PRKAG2: variants seen among roughly 807,000 people sequenced by gnomAD.
The protein encoded by PRKAG2 is protein kinase AMP-activated non-catalytic subunit gamma 2, also known as 5'-AMP-activated protein kinase subunit gamma-2.
Under a neutral mutation model 69.6 loss-of-function variants are expected in PRKAG2, and 26 were observed. The observed-to-expected ratio is 0.37, with a 90% CI of 0.27 to 0.52. The LOEUF is 0.52. PRKAG2 is among the 20% of genes least tolerant of loss of function. The pLI, the probability that PRKAG2 is intolerant of heterozygous loss-of-function variation, is 0.90. For synonymous variants in PRKAG2, 293 were observed against 285.0 expected, an observed-to-expected ratio of 1.03 and a Z score of -0.28; for missense variants, 557 against 740.0, an observed-to-expected ratio of 0.75 and a Z score of 2.87.
At chr7:151,590,459 C>T (rs908765154) in intron 6 of PRKAG2, among the ~76,000 whole-genome samples, 7 of 152,194 alleles carry the variant, frequency 4.6e-5, no homozygotes, top group South Asian at 2.1e-4. Flanking sequence ...ACCCTGGCAC[C>T]GGACAGAGGG....
chr7:151,678,746 G>A (rs1356266551), intron 3 of PRKAG2, among the ~76,000 whole-genome samples: 1 of 152,164 alleles, frequency 6.6e-6, no homozygotes, highest in African/African-American at 2.4e-5. Flanking sequence ...ACCACCTGAG[G>A]TTAGGAGTTC....
At position 151,560,534 on chromosome 7, in the gene PRKAG2, G is replaced by T. The variant is rs1307794877; in HGVS notation, c.1668C>A (p.Leu556=). 1 of 1,614,186 alleles carries T rather than the reference G, an allele frequency of 6.2e-7. No homozygotes were observed. The highest frequency in any genetic ancestry group is 1.7e-5 in the Admixed American group (1 of 60,028). ...SLSDILQALI[L]TPAGAKQKET... ...AAACCAGCATTTTACCTGCTGGTGT[G>T]AGGATCAGGGCTTGCAGAATGTCCG... Residue 556 remains leucine, a synonymous_variant, in exon 15 of 16, where the codon CTC becomes CTA. Transcript: ENST00000287878.
chr7:151,727,716 A>G (rs989515676), intron 3 of PRKAG2, among the ~76,000 whole-genome samples: 2 of 148,980 alleles, frequency 1.3e-5, no homozygotes, highest in South Asian at 2.3e-4. Context: ...CAGGAGCGAG[A>G]AGGAGGGAGG....
At chr7:151,769,026 C>T (rs965042145) in intron 3 of PRKAG2, among the ~76,000 whole-genome samples, 3 of 152,188 alleles carry the variant, frequency 2.0e-5, no homozygotes, top group Non-Finnish European at 2.9e-5. Context: ...GAGGGTGTCC[C>T]CCCAGTGCAG....
In PRKAG2 at chr7:151,556,171, AC is replaced by A. The variant is rs1554444891; in HGVS notation, c.*1029del. 37 of 113,084 alleles carry A rather than the reference AC, an allele frequency of 3.3e-4. No homozygotes were observed. The highest frequency in any genetic ancestry group is 8.4e-4 in the African/African-American group (30 of 35,872). 7.0% of individuals were successfully genotyped at this position (113,084 alleles called of 1,614,324 possible). A position where few individuals can be genotyped will look rare whatever the true frequency, so the allele number is the denominator to read the frequency against. On this transcript the variant is annotated 3_prime_UTR_variant, in exon 16 of 16. Transcript: ENST00000287878. ...TAATTTTTCAATCTGAAAAAAAAAA[AC>A]CCAAAACAAAAAAAAAACAAACTAT...
At chr7:151,597,829 C>G (rs906326182) in intron 5 of PRKAG2, among the ~76,000 whole-genome samples, 2 of 150,046 alleles carry the variant, frequency 1.3e-5, no homozygotes, top group Non-Finnish European at 3.0e-5. Flanking sequence ...AGCCCCCCCC[C>G]CCGCTCTTTT....
intron 10 of PRKAG2, 26 bp from the exon 11 acceptor site, chr7:151,568,868 T>C: frequency 6.2e-7 from 1 of 1,612,630 alleles, no homozygotes; most frequent in East Asian, 2.2e-5. Flanking sequence ...TTAAAGTTGT[T>C]AGGAGGCTTT....
intron 3 of PRKAG2, among the ~76,000 whole-genome samples, chr7:151,778,732 A>AT (rs1183462144): frequency 1.3e-5 from 2 of 152,090 alleles, no homozygotes; most frequent in African/African-American, 4.8e-5. Context: ...GGAGCTTGAC[A>AT]TTTTTTTCAA....
chr7:151,745,169 T>C (rs1462382678), intron 3 of PRKAG2, among the ~76,000 whole-genome samples: 1 of 152,058 alleles, frequency 6.6e-6, no homozygotes, highest in East Asian at 1.9e-4. Context: ...TCCTGAACCT[T>C]TGCGGATCAC....
At chr7:151,866,100 C>A (rs1367314421) in intron 1 of PRKAG2, among the ~76,000 whole-genome samples, 1 of 151,704 alleles carries the variant, frequency 6.6e-6, no homozygotes, top group Non-Finnish European at 1.5e-5. Flanking sequence ...TAAAGAATAA[C>A]CTTCAATGAC....
At chr7:151,631,411 A>G (rs1824372660) in intron 5 of PRKAG2, among the ~76,000 whole-genome samples, 2 of 152,282 alleles carry the variant, frequency 1.3e-5, no homozygotes, top group South Asian at 2.1e-4. Context: ...AATTTTGCCA[A>G]AGAACGAGCT....
At chr7:151,745,322 T>C (rs1382022734) in intron 3 of PRKAG2, among the ~76,000 whole-genome samples, 1 of 152,200 alleles carries the variant, frequency 6.6e-6, no homozygotes, top group African/African-American at 2.4e-5. Flanking sequence ...TCCTGCCGGT[T>C]GCAAAATACT....
intron 1 of PRKAG2, among the ~76,000 whole-genome samples, chr7:151,813,178 C>A (rs4595037): frequency 1.3e-5 from 2 of 151,946 alleles, no homozygotes; most frequent in African/African-American, 4.8e-5. Flanking sequence ...TAGCAGTCCC[C>A]GAATTCTCGA....
rs73160003 is a variant in PRKAG2 at position 151,756,863 on chromosome 7, C to T, written c.466+24289G>A. On this transcript the variant is annotated intron_variant, in intron 3 of 15. Coordinates refer to ENST00000287878, the MANE Select transcript of PRKAG2 (RefSeq NM_016203.4). This position sits in a 1 kb window ranked among gnomAD's most constrained non-coding sequence, Gnocchi z 4.9. ...TATTAAACTCCATCTGCTTTTAGTA[C>T]GGAGAGTAACCCTCTTCCAGGTAGG... Among the ~76,000 whole-genome samples, 5,382 of 152,226 alleles carry T rather than the reference C, an allele frequency of 0.035. 107 individuals carry two copies. The highest frequency in any genetic ancestry group is 0.058 in the South Asian group (279 of 4,816).
At position 151,814,531 on chromosome 7, in the gene PRKAG2, G is replaced by C. The variant is rs1314271295; in HGVS notation, c.115-27990C>G. ...GGGGACGGGCGGCACTCCCAGCTCT[G>C]ACAAATCCTGCTGCCTCACTCGAAA... On this transcript the variant is annotated intron_variant, in intron 1 of 15. Coordinates refer to ENST00000287878, the MANE Select transcript of PRKAG2 (RefSeq NM_016203.4). The surrounding 1 kb of genome is among the most constrained non-coding windows in gnomAD (Gnocchi z 4.8). 6 of 1,231,296 alleles carry C rather than the reference G, an allele frequency of 4.9e-6. No homozygotes were observed. Among genetic ancestry groups the C allele is most frequent in the Non-Finnish European group, 6.1e-6 (6 of 987,992 alleles). The allele number at this position is 1,231,296 out of a possible 1,614,324, so 76.3% of individuals were successfully genotyped here. A position where few individuals can be genotyped will look rare whatever the true frequency, so the allele number is the denominator to read the frequency against.
At chr7:151,621,812 G>A (rs6967946) in intron 5 of PRKAG2, among the ~76,000 whole-genome samples, 20,937 of 151,980 alleles carry the variant, frequency 0.14, 1,624 homozygotes, top group African/African-American at 0.18. Context: ...TGGGCTCAAG[G>A]GATCCTCCCA....
At chr7:151,838,787 GGCAGACCCCTT>G (rs1266125760) in intron 1 of PRKAG2, among the ~76,000 whole-genome samples, 1 of 151,636 alleles carries the variant, frequency 6.6e-6, no homozygotes, top group African/African-American at 2.4e-5. Context: ...GGCTGAGACA[GGCAGACCCCTT>G]GAGTTCAGGA....
rs190669365 is a variant in PRKAG2, at chr7:151,693,187, C to T, written c.467-17550G>A. Among the ~76,000 whole-genome samples, 422 of 152,348 alleles carry T rather than the reference C, an allele frequency of 2.8e-3. 2 individuals are homozygous for T. The highest frequency in any genetic ancestry group is 0.02 in the Middle Eastern group (6 of 294). On this transcript the variant is annotated intron_variant, in intron 3 of 15. Transcript: ENST00000287878. ...GTGTGGACAGGTCAATGAGTCTTCT[C>T]TACAGCGGCTCTTGGCACAGGTCCG...
At position 151,867,117 on chromosome 7, in the gene PRKAG2, C is replaced by T. The variant is rs574865600; in HGVS notation, c.114+9390G>A. Among the ~76,000 whole-genome samples, 187 of 152,304 alleles carry T rather than the reference C, an allele frequency of 1.2e-3. 2 individuals are homozygous for T. The highest frequency in any genetic ancestry group is 4.3e-3 in the African/African-American group (179 of 41,570). On this transcript the variant is annotated intron_variant, in intron 1 of 15. Transcript: ENST00000287878. Reference sequence around the variant, plus strand: ...TCAAAGTGCTGTGGGCAGTGGGACGCTGGGACCCCTTCCTGGGGCCTTGGC... The same window carrying T: ...TCAAAGTGCTGTGGGCAGTGGGACGTTGGGACCCCTTCCTGGGGCCTTGGC...
Sources: allele counts gnomAD v4.1 joint callset (sites outside exome capture counted in the v4.1 genomes callset), GRCh38; gene constraint gnomAD v4.1.1; non-coding constraint Gnocchi (gnomAD v3.1); transcripts MANE v1.5; gene names NCBI Gene and HGNC (gene_info 2026-07-23, HGNC 2026-07-21).